Variants in CES2 observed in about 807,000 individuals in gnomAD.
CES2 encodes the protein carboxylesterase 2, also known as cocaine esterase.
Under a neutral mutation model 52.1 loss-of-function variants are expected in CES2, and 42 were observed. The observed-to-expected ratio is 0.81, with a 90% CI of 0.63 to 1.04. CES2 has a LOEUF of 1.04. CES2 is among the 50% of genes least tolerant of loss of function. The pLI is 0.00. For missense variants in CES2, 656 were observed against 724.3 expected (o/e 0.91, Z 1.08); for synonymous variants, 277 against 289.6 (o/e 0.96, Z 0.44).
intron 1 of CES2, among the ~76,000 whole-genome samples, chr16:66,936,906 G>A (rs568760193): frequency 1.3e-5 from 2 of 151,926 alleles, no homozygotes; most frequent in South Asian, 2.1e-4. Context: ...TTTGGGCCAG[G>A]CACAGTGGCT....
At chr16:66,941,690 G>A (rs1393246749) in intron 7 of CES2, 44 bp downstream of exon 7, 2 of 1,612,986 alleles carry the variant, frequency 1.2e-6, no homozygotes, top group African/African-American at 2.7e-5. Context: ...GAGCCCATCT[G>A]GTAGTGGGGG....
At chr16:66,936,978 T>TA (rs1267229129) in intron 1 of CES2, among the ~76,000 whole-genome samples, 1 of 145,106 alleles carries the variant, frequency 6.9e-6, no homozygotes, top group African/African-American at 2.6e-5. Context: ...GGCTAGGAGT[T>TA]AGAGACCAGC....
Position 66,943,525 on chromosome 16 carries a change from G to A in CES2, c.1493+154G>A, listed in dbSNP as rs1963413531. ...TCCGGGACCCACTCAGACAGGGTGG[G>A]GGTGCGTGGGGCAGTGGACACGCTC... On this transcript the variant is annotated intron_variant, in intron 11 of 11. Coordinates refer to ENST00000317091, the MANE Select transcript of CES2 (RefSeq NM_001365405.1). The surrounding 1 kb of genome is among the most constrained non-coding windows in gnomAD (Gnocchi z 4.2). The A allele has an allele frequency of 4.0e-6, 3 of 754,782 alleles. No homozygotes were observed. Among genetic ancestry groups the A allele is most frequent in the Non-Finnish European group, 6.6e-6 (3 of 456,574 alleles). The allele number at this position is 754,782 out of a possible 1,614,324, so 46.8% of individuals were successfully genotyped here. A position where few individuals can be genotyped will look rare whatever the true frequency, so the allele number is the denominator to read the frequency against.
intron 1 of CES2, among the ~76,000 whole-genome samples, chr16:66,936,647 C>T (rs1963223309): frequency 6.6e-6 from 1 of 152,174 alleles, no homozygotes; most frequent in South Asian, 2.1e-4. Flanking sequence ...CTTCTCCAGG[C>T]CCTTATCAGA....
In CES2 at chr16:66,943,763, C is replaced by A; in HGVS notation, c.1494-76C>A. The stretch of plus-strand genomic sequence containing the variant: ...TGCTTGGCTGCCTTGCCTGACCAGA[C>A]TCAGGGTGCTCAGGTCTGGGCTTCG... On this transcript the variant is annotated intron_variant, in intron 11 of 11. Transcript: ENST00000317091. This position sits in a 1 kb window ranked among gnomAD's most constrained non-coding sequence, Gnocchi z 4.2. 1.6e-6 allele frequency: 2 copies of A among 1,282,250 alleles called. No homozygotes were observed. The highest frequency in any genetic ancestry group is 2.2e-6 in the Non-Finnish European group (2 of 926,216). 79.4% of individuals were successfully genotyped at this position (1,282,250 alleles called of 1,614,324 possible). A position where few individuals can be genotyped will look rare whatever the true frequency, so the allele number is the denominator to read the frequency against.
rs8192923 is a variant in CES2, at chr16:66,937,013, C to CA, written c.77-1005dup. ...CTTGGGCAACAAGACTTGTCTCTAC[C>CA]AAAAAAAAAAAAAAAAAAAGTCAAG... On this transcript the variant is annotated intron_variant, in intron 1 of 11. Coordinates refer to ENST00000317091, the MANE Select transcript of CES2 (RefSeq NM_001365405.1). 7.9e-3 allele frequency among the ~76,000 whole-genome samples: 627 copies of CA among 79,000 alleles called. 1 individual carries two copies. Among genetic ancestry groups the CA allele is most frequent in the East Asian group, 0.019 (59 of 3,150 alleles). 51.8% of individuals were successfully genotyped at this position (79,000 alleles called of 152,430 possible).
chr16:66,939,496 T>C, intron 3 of CES2, 138 bp downstream of exon 3: 1 of 922,810 alleles, frequency 1.1e-6, no homozygotes. Context: ...CAAGAAATGC[T>C]CCTTACCCAG....
In CES2 at chr16:66,945,048, C is replaced by A. The variant is rs941017990; in HGVS notation, c.*1023C>A. 2.6e-5 allele frequency: 4 copies of A among 152,208 alleles called. No homozygotes were observed. Among genetic ancestry groups the A allele is most frequent in the Non-Finnish European group, 5.9e-5 (4 of 68,068 alleles). 9.4% of individuals were successfully genotyped at this position (152,208 alleles called of 1,614,324 possible). A position where few individuals can be genotyped will look rare whatever the true frequency, so the allele number is the denominator to read the frequency against. On this transcript the variant is annotated 3_prime_UTR_variant, in exon 12 of 12. Transcript: ENST00000317091. Reference sequence around the variant, plus strand: ...ACACCTAAGTGTTAGAAGCCTATGTCCGTTCATCCCTGAGAGGTCTGAAAG... The same window carrying A: ...ACACCTAAGTGTTAGAAGCCTATGTACGTTCATCCCTGAGAGGTCTGAAAG...
At position 66,943,526 on chromosome 16, in the gene CES2, G is replaced by A; in HGVS notation, c.1493+155G>A. On this transcript the variant is annotated intron_variant, in intron 11 of 11. Coordinates refer to ENST00000317091, the MANE Select transcript of CES2 (RefSeq NM_001365405.1). The surrounding 1 kb of genome is among the most constrained non-coding windows in gnomAD (Gnocchi z 4.2). The stretch of plus-strand genomic sequence containing the variant: ...CCGGGACCCACTCAGACAGGGTGGG[G>A]GTGCGTGGGGCAGTGGACACGCTCT... 1.3e-6 allele frequency: 1 copy of A among 753,076 alleles called. No homozygotes were observed. Among genetic ancestry groups the A allele is most frequent in the Non-Finnish European group, 2.2e-6 (1 of 455,346 alleles). The allele number at this position is 753,076 out of a possible 1,614,324, so 46.6% of individuals were successfully genotyped here.
intron 10 of CES2, 119 bp downstream of exon 10, chr16:66,942,904 G>A (rs1332060628): frequency 6.6e-7 from 1 of 1,519,898 alleles, no homozygotes; most frequent in Non-Finnish European, 8.8e-7. Flanking sequence ...GATGAGATCA[G>A]GTGTCCAAGG....
At chr16:66,935,273 C>G (rs11075646), upstream of CES2, 64,282 of 674,068 alleles carry the variant, frequency 0.095, 4,338 homozygotes, top group African/African-American at 0.28. Context: ...TCCTATCGAT[C>G]CCCCAGCGCG....
chr16:66,940,610 A>G lies in CES2; in HGVS notation c.731A>G (p.Gln244Arg). 6.2e-7 allele frequency: 1 copy of G among 1,614,118 alleles called. No homozygotes were observed. The highest frequency in any genetic ancestry group is 2.2e-5 in the East Asian group (1 of 44,864). Residue 244 changes from glutamine to arginine, a missense_variant, in exon 5 of 12, where the codon CAA (glutamine) becomes CGA (arginine). Gln to Arg is a conservative substitution (Grantham distance 43). Coordinates refer to ENST00000317091, the MANE Select transcript of CES2 (RefSeq NM_001365405.1). Reference protein sequence around the residue: ...VSSLVVSPISQGLFHGAIMES... With the variant: ...VSSLVVSPISRGLFHGAIMES... ...TCGCTTGTTGTGTCCCCCATATCCCAAGGACTCTTCCACGGAGCCATCATG... is the reference window on the plus strand; with the variant it reads ...TCGCTTGTTGTGTCCCCCATATCCCGAGGACTCTTCCACGGAGCCATCATG...
At chr16:66,937,184 T>C (rs1239295454) in intron 1 of CES2, among the ~76,000 whole-genome samples, 4 of 152,046 alleles carry the variant, frequency 2.6e-5, no homozygotes, top group Admixed American at 1.3e-4. Flanking sequence ...CTGACAAATA[T>C]ATATGTATAC....
intron 1 of CES2, among the ~76,000 whole-genome samples, chr16:66,936,655 A>G (rs1487759316): frequency 6.6e-6 from 1 of 152,180 alleles, no homozygotes; most frequent in Non-Finnish European, 1.5e-5. Context: ...GGCCCTTATC[A>G]GAAGCTGGGG....
At chr16:66,941,366 T>C in intron 6 of CES2, 140 bp from the exon 7 acceptor site, 1 of 1,514,932 alleles carries the variant, frequency 6.6e-7, no homozygotes, top group Non-Finnish European at 8.9e-7. Context: ...TGAAGGTCGG[T>C]GCATGCTGAG....
chr16:66,943,348 C>G lies in CES2; in HGVS notation c.1470C>G (p.Tyr490Ter). The G allele has an allele frequency of 6.2e-7, 1 of 1,614,152 alleles. No individual in the cohort carries two copies. Among genetic ancestry groups the G allele is most frequent in the Non-Finnish European group, 8.5e-7 (1 of 1,180,030 alleles). ...AGCTAAGCAGGAAGATGATGAAGTA[C>G]TGGGCCAACTTTGCGAGAAATGGGT... The part of the protein sequence containing the change: ...EEQLSRKMMK[Y>*]WANFARNGNP... Residue 490 changes from tyrosine to a stop codon, truncating the protein, a stop_gained, in exon 11 of 12, where the codon TAC becomes TAG. Transcript: ENST00000317091. LOFTEE classifies it low-confidence loss of function (END_TRUNC). This position sits in a 1 kb window ranked among gnomAD's most constrained non-coding sequence, Gnocchi z 4.2.
At chr16:66,936,303 G>T (rs191750898) in intron 1 of CES2, among the ~76,000 whole-genome samples, 1 of 152,130 alleles carries the variant, frequency 6.6e-6, no homozygotes, top group Admixed American at 6.5e-5. Flanking sequence ...GGAGAGTATC[G>T]CTTGTGCCCA....
Position 66,935,865 on chromosome 16 carries a change from C to T in CES2, c.76+154C>T, listed in dbSNP as rs759974133. On this transcript the variant is annotated intron_variant, in intron 1 of 11. Transcript: ENST00000317091. ...TCGTGAGCCCCACGCAACGCCTCCC[C>T]GCCGCCCAAGGTGGGCTCCTAGAAG... 1.8e-4 allele frequency: 273 copies of T among 1,504,180 alleles called. 1 individual carries two copies. The highest frequency in any genetic ancestry group is 1.6e-3 in the Middle Eastern group (7 of 4,270). The allele number at this position is 1,504,180 out of a possible 1,614,324, so 93.2% of individuals were successfully genotyped here. A position where few individuals can be genotyped will look rare whatever the true frequency, so the allele number is the denominator to read the frequency against.
intron 1 of CES2, among the ~76,000 whole-genome samples, chr16:66,937,786 C>T (rs1963248904): frequency 6.6e-6 from 1 of 152,114 alleles, no homozygotes; most frequent in African/African-American, 2.4e-5. Context: ...GGCATGTGAC[C>T]CTTTGTTTGA....
Sources: gnomAD v4.1 joint callset for allele counts (sites outside exome capture counted in the v4.1 genomes callset) on GRCh38, gnomAD v4.1.1 for gene constraint, Gnocchi (gnomAD v3.1) non-coding constraint, MANE v1.5 for transcripts, NCBI Gene and HGNC (gene_info 2026-07-23, HGNC 2026-07-21) for gene names.